LRRC37A: variants seen among roughly 807,000 people sequenced by gnomAD.
LRRC37A encodes leucine rich repeat containing 37A.
In LRRC37A, 3 loss-of-function variants were observed where a neutral mutation model predicts 35.4. The ratio of observed to expected loss-of-function variants is 0.08; its 90% CI spans 0.04 to 0.22. The LOEUF (loss-of-function observed/expected upper bound fraction) is 0.22, where lower values mean the gene tolerates loss of function less well. LRRC37A is among the 10% of genes least tolerant of loss of function. The pLI, the probability that LRRC37A is intolerant of heterozygous loss-of-function variation, is 1.00. For synonymous variants in LRRC37A, 23 were observed against 215.0 expected (o/e 0.11, Z 7.81); for missense variants, 67 against 565.3 (o/e 0.12, Z 8.94).
At chr17:46,327,203 T>G (rs1313727476) in intron 7 of LRRC37A, among the ~76,000 whole-genome samples, 1 of 80,886 alleles carries the variant, frequency 1.2e-5, no homozygotes, top group African/African-American at 3.4e-5. Context: ...AGGTGATGTA[T>G]CCTTCCTGCC....
the LRRC37A span, among the ~76,000 whole-genome samples, chr17:46,248,088 C>T: frequency 6.6e-6 from 1 of 151,862 alleles, no homozygotes; most frequent in Admixed American, 6.5e-5. Context: ...TCTTCAGAGA[C>T]GTGGGAACAA....
At chr17:46,327,154 T>A (rs375451679) in intron 7 of LRRC37A, among the ~76,000 whole-genome samples, 1 of 85,636 alleles carries the variant, frequency 1.2e-5, no homozygotes, top group African/African-American at 3.1e-5. Flanking sequence ...TTCCTCATGA[T>A]GAAATTCAAG....
the LRRC37A span, among the ~76,000 whole-genome samples, chr17:46,277,612 CTCTGG>C: frequency 2.1e-4 from 32 of 151,834 alleles, no homozygotes; most frequent in Admixed American, 8.6e-4. Context: ...CCTTTCAGTT[CTCTGG>C]GTAGATTTCT....
chr17:46,281,382 T>G, the LRRC37A span, among the ~76,000 whole-genome samples: 1 of 152,062 alleles, frequency 6.6e-6, no homozygotes, highest in Non-Finnish European at 1.5e-5. Context: ...CAGAAAATTT[T>G]TCTTTTATTC....
chr17:46,334,602 C>T (rs1469001842), intron 10 of LRRC37A: 8 of 43,352 alleles, frequency 1.8e-4, no homozygotes, highest in African/African-American at 2.3e-4. Flanking sequence ...AAAATGTGTT[C>T]GTAGAGACAA....
the LRRC37A span, among the ~76,000 whole-genome samples, chr17:46,281,652 T>C: frequency 6.6e-5 from 10 of 152,176 alleles, no homozygotes; most frequent in Non-Finnish European, 1.5e-4. Context: ...TTGGGAATTT[T>C]TTCTTCTTCT....
chr17:46,259,019 ATTTTTTTTTTTTT>A, the LRRC37A span, among the ~76,000 whole-genome samples: 329 of 79,464 alleles, frequency 4.1e-3, 3 homozygotes, highest in South Asian at 0.018. Flanking sequence ...CACCCGGCCT[ATTTTTTTTTTTTT>A]TTTTTTTTTT....
At chr17:46,281,670 G>A in the LRRC37A span, among the ~76,000 whole-genome samples, 23 of 152,288 alleles carry the variant, frequency 1.5e-4, no homozygotes, top group East Asian at 4.4e-3. Flanking sequence ...TCTTTTGTGA[G>A]AGTCTCACTG....
At chr17:46,251,258 CTTTT>C in the LRRC37A span, among the ~76,000 whole-genome samples, 1 of 140,612 alleles carries the variant, frequency 7.1e-6, no homozygotes, top group Non-Finnish European at 1.6e-5. Flanking sequence ...TGCTTAACAT[CTTTT>C]TTTTTTTTTT....
upstream of LRRC37A, among the ~76,000 whole-genome samples, chr17:46,290,164 T>C (rs1288430390): frequency 6.6e-6 from 1 of 152,226 alleles, no homozygotes; most frequent in African/African-American, 2.4e-5. Flanking sequence ...GGGCCTCACT[T>C]GATCGCCCCG....
chr17:46,267,939 TGCC>T, the LRRC37A span, among the ~76,000 whole-genome samples: 3 of 138,122 alleles, frequency 2.2e-5, no homozygotes, highest in Non-Finnish European at 4.5e-5. Context: ...CTCGCTCTGT[TGCC>T]CAGGCTGGAG....
At chr17:46,282,077 G>C in the LRRC37A span, among the ~76,000 whole-genome samples, 1 of 151,974 alleles carries the variant, frequency 6.6e-6, no homozygotes. Context: ...TACTTTAGCT[G>C]GGCTTGTCCT....
chr17:46,262,600 T>A, the LRRC37A span, among the ~76,000 whole-genome samples: 15,579 of 143,944 alleles, frequency 0.11, 1 homozygote, highest in Middle Eastern at 0.17. Context: ...TATTCCCTTT[T>A]TATAATTTCC....
At chr17:46,275,255 A>G in the LRRC37A span, 116,292 of 477,500 alleles carry the variant, frequency 0.24, 16,284 homozygotes, top group Non-Finnish European at 0.32. Flanking sequence ...TGTTATGACC[A>G]ATAAAAACAA....
the LRRC37A span, among the ~76,000 whole-genome samples, chr17:46,254,070 G>A: frequency 1.3e-5 from 2 of 152,312 alleles, no homozygotes; most frequent in Middle Eastern, 3.4e-3. Context: ...GGACCAGACT[G>A]GGGTGTAAGG....
intron 5 of LRRC37A, among the ~76,000 whole-genome samples, chr17:46,312,715 CAA>C (rs1402212365): frequency 1.4e-5 from 1 of 70,960 alleles, no homozygotes; most frequent in African/African-American, 5.7e-5. Flanking sequence ...GTTTTCATGC[CAA>C]AAAAAAATCA....
the LRRC37A span, among the ~76,000 whole-genome samples, chr17:46,265,270 CTT>C: frequency 3.7e-5 from 2 of 54,472 alleles, no homozygotes; most frequent in African/African-American, 1.2e-4. Context: ...TCTTCTTCTT[CTT>C]CTTCTTCTTC....
the LRRC37A span, among the ~76,000 whole-genome samples, chr17:46,283,181 C>T: frequency 2.1e-3 from 327 of 152,180 alleles, 7 homozygotes; most frequent in Admixed American, 0.021. Flanking sequence ...ATCAATTTAC[C>T]CTCCAAAGTG....
chr17:46,290,507 C>T (rs1169630313), upstream of LRRC37A, among the ~76,000 whole-genome samples: 2 of 152,214 alleles, frequency 1.3e-5, no homozygotes, highest in East Asian at 3.9e-4. Context: ...CGTGCAGTGG[C>T]ATGATCTCGG....
Sources: gnomAD v4.1 joint callset for allele counts (sites outside exome capture counted in the v4.1 genomes callset) on GRCh38, gnomAD v4.1.1 for gene constraint, MANE v1.5 for transcripts, NCBI Gene and HGNC (gene_info 2026-07-23, HGNC 2026-07-21) for gene names.